TRMT44: variants seen among roughly 807,000 people sequenced by gnomAD.
The protein encoded by TRMT44 is probable tRNA (uracil-O(2)-)-methyltransferase.
TRMT44 carries 78 observed loss-of-function variants against 77.3 expected under a neutral mutation model. The ratio of observed to expected loss-of-function variants is 1.01; its 90% CI spans 0.84 to 1.22. The LOEUF (loss-of-function observed/expected upper bound fraction) is 1.22. Among genes scored for constraint, TRMT44 ranks in the 50% most tolerant of loss-of-function variants. The pLI, the probability that TRMT44 is intolerant of heterozygous loss-of-function variation, is 0.00. For synonymous variants in TRMT44, 391 were observed against 383.3 expected, an observed-to-expected ratio of 1.02 and a Z score of -0.23; for missense variants, 1,090 against 964.4, an observed-to-expected ratio of 1.13 and a Z score of -1.73.
intron 2 of TRMT44, among the ~76,000 whole-genome samples, chr4:8,483,577 C>T (rs937507232): frequency 2.6e-5 from 4 of 152,148 alleles, no homozygotes; most frequent in African/African-American, 9.7e-5. Flanking sequence ...TTGTCCAGTC[C>T]TTTTTAAGTT....
Position 8,452,644 on chromosome 4 carries a change from G to T in TRMT44, c.1024-238G>T, listed in dbSNP as rs946413761. Reference sequence around the variant, plus strand: ...AGCTACTGGGGAGGCTGAGGCAGGAGAATTGCTTGAACCCAGGAGGCGGAG... The same window carrying T: ...AGCTACTGGGGAGGCTGAGGCAGGATAATTGCTTGAACCCAGGAGGCGGAG... On this transcript the variant is annotated intron_variant, in intron 4 of 10. Coordinates refer to ENST00000389737, the MANE Select transcript of TRMT44 (RefSeq NM_152544.3). The surrounding 1 kb of genome is among the most constrained non-coding windows in gnomAD (Gnocchi z 5.7). 1.3e-5 allele frequency among the ~76,000 whole-genome samples: 2 copies of T among 152,010 alleles called. No homozygotes were observed. Among genetic ancestry groups the T allele is most frequent in the African/African-American group, 4.8e-5 (2 of 41,364 alleles).
downstream of TRMT44, among the ~76,000 whole-genome samples, chr4:8,496,124 C>T (rs1267789837): frequency 2.0e-5 from 3 of 152,212 alleles, no homozygotes; most frequent in Non-Finnish European, 4.4e-5. Flanking sequence ...CAATGGGAAG[C>T]TGTCATTTGC....
chr4:8,504,783 C>T, the TRMT44 span, among the ~76,000 whole-genome samples: 1 of 152,202 alleles, frequency 6.6e-6, no homozygotes, highest in Non-Finnish European at 1.5e-5. This position sits in a 1 kb window ranked among gnomAD's most constrained non-coding sequence, Gnocchi z 5.3. Flanking sequence ...AAACTGCACT[C>T]CATGGTGGCA....
rs1281003413 is a variant in TRMT44 at position 8,475,826 on chromosome 4, CAA to C, written c.2101_2102del (p.Lys701AlafsTer11). ...TGGCGAGAGGAGACACTGTGGAAGA[CAA>C]AGCAACCGGAAGCGAAACAGAGACT... On this transcript the variant is annotated frameshift_variant, in exon 11 of 11. Coordinates refer to ENST00000389737, the MANE Select transcript of TRMT44 (RefSeq NM_152544.3). LOFTEE classifies it low-confidence loss of function (END_TRUNC). 1.2e-6 allele frequency: 2 copies of C among 1,614,172 alleles called. No individual in the cohort carries two copies. Among genetic ancestry groups the C allele is most frequent in the Non-Finnish European group, 1.7e-6 (2 of 1,180,054 alleles).
chr4:8,470,642 C>T (rs745404827), intron 9 of TRMT44, among the ~76,000 whole-genome samples: 32 of 152,146 alleles, frequency 2.1e-4, no homozygotes, highest in Non-Finnish European at 4.3e-4. Flanking sequence ...ACCCTAGAGC[C>T]GGTAGCGCCA....
At chr4:8,481,921 T>C (rs896126592) in intron 2 of TRMT44, among the ~76,000 whole-genome samples, 3 of 152,218 alleles carry the variant, frequency 2.0e-5, no homozygotes, top group Non-Finnish European at 2.9e-5. Context: ...AACATGGCCA[T>C]GGTGATGTGC....
At chr4:8,443,824 G>C (rs902098859) in intron 1 of TRMT44, among the ~76,000 whole-genome samples, 1 of 152,152 alleles carries the variant, frequency 6.6e-6, no homozygotes, top group African/African-American at 2.4e-5. Context: ...GCCAGGCGTA[G>C]TGGCAGGTGC....
rs1216781942 is a variant in TRMT44, at chr4:8,464,004, A to G, written c.1223A>G (p.Asn408Ser). ...CTTTAGGAAGATGCAATCACACCCA[A>G]TGATAAGACCCTTTTCCCTGATGTT... The part of the protein sequence containing the change: ...TQLEEDAITP[N>S]DKTLFPDVDW... Residue 408 changes from asparagine (N) to serine (S), a missense_variant, in exon 7 of 11, where the codon AAT becomes AGT. Physicochemically the swap from Asn to Ser is conservative, Grantham distance 46 (BLOSUM62 1). Coordinates refer to ENST00000389737, the MANE Select transcript of TRMT44 (RefSeq NM_152544.3). 1.6e-5 allele frequency: 26 copies of G among 1,613,894 alleles called. No individual in the cohort carries two copies. The highest frequency in any genetic ancestry group is 1.6e-4 in the Middle Eastern group (1 of 6,062).
chr4:8,471,535 C>CTGGGGGTCATTGT (rs1726999082), intron 10 of TRMT44, among the ~76,000 whole-genome samples: 1 of 152,356 alleles, frequency 6.6e-6, no homozygotes, highest in Non-Finnish European at 1.5e-5. Flanking sequence ...CCCCTGTTGG[C>CTGGGGGTCATTGT]TGGGGGTCAT....
Position 8,481,779 on chromosome 4 carries a change from G to A in TRMT44, n.3891+2246G>A, listed in dbSNP as rs968398651. ...TCACTGTCTCCCACCTCCTCGTCTT[G>A]TCCCATCAGAAGGTCTTTAGGGGAC... On this transcript the variant is annotated intron_variant and non_coding_transcript_variant, in intron 2 of 2. Coordinates refer to the TRMT44 transcript ENST00000511366. Among the ~76,000 whole-genome samples the A allele has an allele frequency of 2.6e-5, 4 of 152,200 alleles. No homozygotes were observed. The East Asian group carries it at 7.7e-4, about 29-fold the overall frequency.
intron 2 of TRMT44, among the ~76,000 whole-genome samples, chr4:8,485,921 G>C (rs182019822): frequency 3.2e-4 from 48 of 152,298 alleles, no homozygotes; most frequent in South Asian, 1.0e-3. Flanking sequence ...GCAACGTGGA[G>C]TGGGTAGCCC....
At chr4:8,471,721 G>T (rs962863855) in intron 10 of TRMT44, among the ~76,000 whole-genome samples, 1 of 152,332 alleles carries the variant, frequency 6.6e-6, no homozygotes, top group African/African-American at 2.4e-5. Context: ...GCTCCCCAAC[G>T]CCCTGTGACT....
rs1236468167 is a variant in TRMT44 at position 8,441,334 on chromosome 4, C to G, written c.512C>G (p.Ser171Trp). 2 of 1,535,416 alleles carry G rather than the reference C, an allele frequency of 1.3e-6. No homozygotes were observed. The highest frequency in any genetic ancestry group is 4.9e-5 in the East Asian group (2 of 40,894). ...TTCCTCACCAGCTCCGGGGCGGGAT[C>G]GCAGCCAGAGGCGCAGCGTGAGCTC... ...LAFLTSSGAG[S>W]QPEAQRELDV... Residue 171 changes from serine to tryptophan, a missense_variant, in exon 1 of 11, where the codon TCG becomes TGG. Coordinates refer to ENST00000389737, the MANE Select transcript of TRMT44 (RefSeq NM_152544.3).
At chr4:8,516,406 C>T in the TRMT44 span, among the ~76,000 whole-genome samples, 1 of 152,224 alleles carries the variant, frequency 6.6e-6, no homozygotes, top group Non-Finnish European at 1.5e-5. Flanking sequence ...ATACTGATGA[C>T]TCATCTCCCT....
chr4:8,476,092 C>A lies in TRMT44; in HGVS notation c.*91C>A. The A allele has an allele frequency of 1.6e-6, 2 of 1,246,344 alleles. No homozygotes were observed. The highest frequency in any genetic ancestry group is 2.3e-6 in the Non-Finnish European group (2 of 885,184). 77.2% of individuals were successfully genotyped at this position (1,246,344 alleles called of 1,614,324 possible). On this transcript the variant is annotated 3_prime_UTR_variant, in exon 11 of 11. Transcript: ENST00000389737. Reference sequence around the variant, plus strand: ...GTCAGTGCTGTGGTCTCTGCTCTGGCTGTGTTTCAGCCCACCTCCTCCCAG... The same window carrying A: ...GTCAGTGCTGTGGTCTCTGCTCTGGATGTGTTTCAGCCCACCTCCTCCCAG...
In TRMT44 at chr4:8,471,068, AC is replaced by A. The variant is rs755867024; in HGVS notation, c.1928-13del. On this transcript the variant is annotated splice_polypyrimidine_tract_variant and intron_variant, in intron 9 of 10. Coordinates refer to ENST00000389737, the MANE Select transcript of TRMT44 (RefSeq NM_152544.3). ...TGCTGTTGTTTTGGGGAAAAAAAAA[AC>A]CCGTTTTTCCACAGAGAGCCTATCT... 1.9e-6 allele frequency: 3 copies of A among 1,560,318 alleles called. No individual in the cohort carries two copies. The highest frequency in any genetic ancestry group is 1.2e-5 in the South Asian group (1 of 83,768).
chr4:8,484,088 GTGGCTTGTACTA>G (rs1299519539), intron 2 of TRMT44, among the ~76,000 whole-genome samples: 3 of 152,200 alleles, frequency 2.0e-5, no homozygotes, highest in Non-Finnish European at 2.9e-5. Context: ...AGGCGGGCTA[GTGGCTTGTACTA>G]TAGCATAGCC....
At chr4:8,442,061 A>G (rs62287362) in intron 1 of TRMT44, among the ~76,000 whole-genome samples, 4,164 of 152,348 alleles carry the variant, frequency 0.027, 69 homozygotes, top group South Asian at 0.04. Flanking sequence ...GTGCTTAACT[A>G]GGAGCCTGCA....
At chr4:8,507,792 C>T in the TRMT44 span, among the ~76,000 whole-genome samples, 41 of 152,330 alleles carry the variant, frequency 2.7e-4, 1 homozygote, top group South Asian at 7.9e-3. Flanking sequence ...TTCACCCCTG[C>T]CCCGTCCCCC....
Sources: gnomAD v4.1 joint callset for allele counts (sites outside exome capture counted in the v4.1 genomes callset) on GRCh38, gnomAD v4.1.1 for gene constraint, Gnocchi (gnomAD v3.1) non-coding constraint, MANE v1.5 for transcripts, NCBI Gene and HGNC (gene_info 2026-07-23, HGNC 2026-07-21) for gene names.